The following USP37 variants were observed in gnomAD, a reference collection of about 807,000 sequenced individuals.
The protein encoded by USP37 is ubiquitin carboxyl-terminal hydrolase 37.
USP37 carries 27 observed loss-of-function variants against 124.0 expected under a neutral mutation model. That is an observed-to-expected ratio of 0.22 (90% CI 0.16 to 0.30). The LOEUF (loss-of-function observed/expected upper bound fraction) is 0.30. Ranked by LOEUF, USP37 falls within the 10% of genes least tolerant of loss-of-function variation. USP37 has a pLI of 1.00. For synonymous variants in USP37, 365 were observed against 388.0 expected, an observed-to-expected ratio of 0.94 and a Z score of 0.70; for missense variants, 889 against 1,140.4, an observed-to-expected ratio of 0.78 and a Z score of 3.17.
chr2:218,489,542 C>T (rs950212231), intron 14 of USP37, among the ~76,000 whole-genome samples: 3 of 151,812 alleles, frequency 2.0e-5, no homozygotes, highest in Non-Finnish European at 1.5e-5. Flanking sequence ...AGTGCAATGG[C>T]ACGATCTCAG....
intron 14 of USP37, among the ~76,000 whole-genome samples, chr2:218,488,718 C>T (rs1417053297): frequency 6.6e-6 from 1 of 152,154 alleles, no homozygotes; most frequent in African/African-American, 2.4e-5. Flanking sequence ...TCACTGCAAC[C>T]TCCGCCTCCC....
chr2:218,510,042 T>C lies in USP37; in HGVS notation c.962A>G (p.Asp321Gly), dbSNP rs761429805. 1 of 1,612,768 alleles carries C rather than the reference T, an allele frequency of 6.2e-7. No individual in the cohort carries two copies. Among genetic ancestry groups the C allele is most frequent in the East Asian group, 2.2e-5 (1 of 44,840 alleles). The change falls in exon 11 of 26, where the codon GAT becomes GGT. Residue 321 changes from aspartate (D) to glycine (G), a missense_variant. By Grantham distance (94) the Asp-to-Gly change is moderately conservative. Transcript: ENST00000258399. Reference protein sequence around the residue: ...LSVKKLRCNQDYTGWNKPRVP... With the variant: ...LSVKKLRCNQGYTGWNKPRVP... ...TCTTGGTTTATTCCAGCCAGTGTAA[T>C]CCTGGTTACACCTCAGTTTTTTAAC...
At chr2:218,561,495 C>T (rs1159000422) in intron 2 of USP37, among the ~76,000 whole-genome samples, 2 of 151,616 alleles carry the variant, frequency 1.3e-5, no homozygotes, top group African/African-American at 4.8e-5. Context: ...CCATCTCTAC[C>T]AAAAATACAA....
At chr2:218,463,830 C>G (rs987659484) in intron 21 of USP37, among the ~76,000 whole-genome samples, 2 of 149,572 alleles carry the variant, frequency 1.3e-5, no homozygotes, top group Non-Finnish European at 3.0e-5. Context: ...CCACTGCGCC[C>G]GGCCCACTCC....
Position 218,557,161 on chromosome 2 carries a change from G to A in USP37, c.156+1337C>T, listed in dbSNP as rs1196538311. On this transcript the variant is annotated intron_variant, in intron 4 of 25. Transcript: ENST00000258399. ...TGGGATTACAGGCATGAGCCACTGC[G>A]CCCAGCCATCCCTTAGCACAATATC... 6.6e-5 allele frequency among the ~76,000 whole-genome samples: 10 copies of A among 152,098 alleles called. No individual in the cohort carries two copies. The South Asian group carries it at 1.5e-3, about 22-fold the overall frequency.
At chr2:218,555,459 G>A (rs1286093010) in intron 4 of USP37, among the ~76,000 whole-genome samples, 2 of 152,100 alleles carry the variant, frequency 1.3e-5, no homozygotes, top group Admixed American at 1.3e-4. Context: ...ACAATAATTC[G>A]TTTTAGATGC....
intron 17 of USP37, among the ~76,000 whole-genome samples, chr2:218,481,689 T>C (rs1691279653): frequency 6.6e-6 from 1 of 150,862 alleles, no homozygotes; most frequent in Non-Finnish European, 1.5e-5. Context: ...TTTTCTTTTT[T>C]TTTTTTTTTT....
intron 22 of USP37, among the ~76,000 whole-genome samples, chr2:218,461,463 G>T (rs1024265738): frequency 1.3e-5 from 2 of 151,470 alleles, no homozygotes; most frequent in African/African-American, 2.4e-5. Context: ...CCAAGATCAC[G>T]CCACTGCACT....
chr2:218,471,427 C>A (rs1266953175), intron 20 of USP37, among the ~76,000 whole-genome samples: 1 of 152,176 alleles, frequency 6.6e-6, no homozygotes, highest in Non-Finnish European at 1.5e-5. Flanking sequence ...CATGACACTT[C>A]TTTGGACTGT....
chr2:218,538,845 G>A (rs1161808777), intron 8 of USP37, among the ~76,000 whole-genome samples: 2 of 152,136 alleles, frequency 1.3e-5, no homozygotes, highest in Non-Finnish European at 2.9e-5. Context: ...CATGTTCTAA[G>A]ACCCACAATG....
chr2:218,563,577 C>T (rs1398989126), intron 1 of USP37, among the ~76,000 whole-genome samples: 2 of 152,186 alleles, frequency 1.3e-5, no homozygotes, highest in African/African-American at 4.8e-5. Context: ...AATTAGGCTT[C>T]ACTAGGCCTG....
intron 10 of USP37, among the ~76,000 whole-genome samples, chr2:218,520,355 T>TA (rs948891347): frequency 6.6e-6 from 1 of 151,492 alleles, no homozygotes; most frequent in African/African-American, 2.4e-5. Context: ...CTTTTTTTTT[T>TA]TTTTTTTTCC....
chr2:218,474,400 C>T (rs1052819771), intron 20 of USP37, among the ~76,000 whole-genome samples: 1 of 152,110 alleles, frequency 6.6e-6, no homozygotes, highest in Non-Finnish European at 1.5e-5. Flanking sequence ...CTCACTCTGT[C>T]GCCCAGGCTG....
At chr2:218,464,299 G>A (rs560375832) in intron 21 of USP37, among the ~76,000 whole-genome samples, 26 of 151,528 alleles carry the variant, frequency 1.7e-4, no homozygotes, top group East Asian at 5.8e-4. Flanking sequence ...CAGCAGTAGC[G>A]TGATCTTGGC....
intron 8 of USP37, among the ~76,000 whole-genome samples, chr2:218,536,004 C>T (rs1360822910): frequency 2.0e-5 from 2 of 101,164 alleles, no homozygotes; most frequent in East Asian, 3.5e-4. Context: ...GTGACAAGAG[C>T]GAGACTTCAT....
intron 20 of USP37, among the ~76,000 whole-genome samples, chr2:218,468,624 T>C (rs1423244692): frequency 6.6e-6 from 1 of 152,146 alleles, no homozygotes. Flanking sequence ...AGAATTACCT[T>C]TATATACTCA....
At chr2:218,541,804 G>A (rs1464076704) in intron 8 of USP37, among the ~76,000 whole-genome samples, 3 of 152,128 alleles carry the variant, frequency 2.0e-5, no homozygotes, top group African/African-American at 7.2e-5. Flanking sequence ...GCTAGGGGAA[G>A]GGGGAACTAT....
At chr2:218,518,279 C>T (rs1339049674) in intron 10 of USP37, among the ~76,000 whole-genome samples, 2 of 151,976 alleles carry the variant, frequency 1.3e-5, no homozygotes, top group Non-Finnish European at 1.5e-5. Flanking sequence ...GATAATTTCA[C>T]AGTTTAAGGT....
At chr2:218,482,300 A>G in intron 16 of USP37, 66 bp from the exon 17 acceptor site, 1 of 1,519,174 alleles carries the variant, frequency 6.6e-7, no homozygotes, top group Non-Finnish European at 8.9e-7. Flanking sequence ...TTACAGTAAA[A>G]GAGATCACTC....
Sources: gnomAD v4.1 joint callset for allele counts (sites outside exome capture counted in the v4.1 genomes callset) on GRCh38, gnomAD v4.1.1 for gene constraint, MANE v1.5 for transcripts, NCBI Gene and HGNC (gene_info 2026-07-23, HGNC 2026-07-21) for gene names.